The following ZNF141 variants were observed in gnomAD, a reference collection of about 807,000 sequenced individuals.
ZNF141 encodes zinc finger protein 141.
ZNF141 carries 7 observed loss-of-function variants against 11.3 expected under a neutral mutation model. The ratio of observed to expected loss-of-function variants is 0.62; its 90% CI spans 0.35 to 1.16. The LOEUF (loss-of-function observed/expected upper bound fraction) is 1.16. ZNF141 is among the 50% of genes most tolerant of loss of function. ZNF141 has a pLI of 0.02. For synonymous variants in ZNF141, 183 were observed against 190.7 expected (o/e 0.96, Z 0.33); for missense variants, 535 against 554.0 (o/e 0.97, Z 0.34).
Position 377,458 on chromosome 4 carries a change from A to G in ZNF141, c.*3596A>G, listed in dbSNP as rs1581633337. Among the ~76,000 whole-genome samples, 1 of 152,146 alleles carries G rather than the reference A, an allele frequency of 6.6e-6. No homozygotes were observed. The highest frequency in any genetic ancestry group is 6.5e-5 in the Admixed American group (1 of 15,278). ...AAGAGGATTTCTTTTCTTATTTTCTAATTATCTTCAGTTTTGTGATATCTT... is the reference window on the plus strand; with the variant it reads ...AAGAGGATTTCTTTTCTTATTTTCTGATTATCTTCAGTTTTGTGATATCTT... On this transcript the variant is annotated 3_prime_UTR_variant, in exon 4 of 4. Transcript: ENST00000240499.
At chr4:356,294 A>C (rs115799425) in intron 3 of ZNF141, among the ~76,000 whole-genome samples, 3,267 of 151,734 alleles carry the variant, frequency 0.022, 42 homozygotes, top group Non-Finnish European at 0.035. Flanking sequence ...TCATGACCTA[A>C]TAACTTCTTA....
chr4:361,447 G>A (rs529487557), intron 3 of ZNF141, among the ~76,000 whole-genome samples: 1 of 147,692 alleles, frequency 6.8e-6, no homozygotes, highest in Non-Finnish European at 1.5e-5. Flanking sequence ...TGTTACATAT[G>A]TATACATGTG....
At chr4:344,255 T>A in intron 2 of ZNF141, 80 bp from the exon 3 acceptor site, 1 of 1,230,748 alleles carries the variant, frequency 8.1e-7, no homozygotes, top group Non-Finnish European at 1.2e-6. Context: ...ATATCTCTAT[T>A]CTGCTTAGCG....
Position 373,522 on chromosome 4 carries a change from C to G in ZNF141, c.1085C>G (p.Thr362Ser), listed in dbSNP as rs1581628183. Residue 362 changes from threonine to serine, a missense_variant, in exon 4 of 4, where the codon ACT becomes AGT. Thr to Ser is a moderately conservative substitution (Grantham distance 58, BLOSUM62 1). Transcript: ENST00000240499. ...SKLNEHKKVH[T>S]GERPYKCDEC... is the part of the protein sequence containing the mutation. ...CTGAATGAACATAAGAAAGTTCATA[C>G]TGGAGAGCGGCCCTACAAATGTGAT... 7 of 1,613,774 alleles carry G rather than the reference C, an allele frequency of 4.3e-6. No individual in the cohort carries two copies. The East Asian group carries it at 1.6e-4, about 36-fold the overall frequency.
Position 338,274 on chromosome 4 carries a change from C to T in ZNF141, c.3+288C>T, listed in dbSNP as rs116780403. 2,760 of 400,330 alleles carry T rather than the reference C, an allele frequency of 6.9e-3. 58 individuals are homozygous for T. The highest frequency in any genetic ancestry group is 0.034 in the South Asian group (1,451 of 42,248). 24.8% of individuals were successfully genotyped at this position (400,330 alleles called of 1,614,324 possible). ...AGCCGCCCGCGCGGCGTGCGCGATG[C>T]CGGCGTGGGAGGAGCTGTGGGAGAA... On this transcript the variant is annotated intron_variant, in intron 1 of 3. Coordinates refer to ENST00000240499, the MANE Select transcript of ZNF141 (RefSeq NM_003441.4).
At chr4:360,051 A>G (rs1039608809) in intron 3 of ZNF141, among the ~76,000 whole-genome samples, 1 of 152,142 alleles carries the variant, frequency 6.6e-6, no homozygotes. Context: ...AATTAATTAC[A>G]TTTCATTCTG....
chr4:341,209 C>T (rs544594880), intron 1 of ZNF141, among the ~76,000 whole-genome samples: 4 of 152,026 alleles, frequency 2.6e-5, no homozygotes, highest in South Asian at 2.1e-4. Context: ...TACAGGCGCA[C>T]GCCACCATGC....
chr4:340,545 C>G (rs1173946385), intron 1 of ZNF141, among the ~76,000 whole-genome samples: 7 of 152,202 alleles, frequency 4.6e-5, no homozygotes, highest in Admixed American at 1.3e-4. Context: ...TGCCCAAATG[C>G]CCACAAATGT....
chr4:338,855 C>T (rs1022674213), intron 1 of ZNF141, among the ~76,000 whole-genome samples: 17 of 152,188 alleles, frequency 1.1e-4, no homozygotes, highest in Admixed American at 8.5e-4. Context: ...CCTCACGTTT[C>T]CTGTCAGAAG....
rs1220251024 is a variant in ZNF141, at chr4:382,493, A to G, written c.*8631A>G. 2 of 152,202 alleles carry G rather than the reference A, an allele frequency of 1.3e-5. No individual in the cohort carries two copies. Among genetic ancestry groups the G allele is most frequent in the African/African-American group, 2.4e-5 (1 of 41,448 alleles). The allele number at this position is 152,202 out of a possible 1,614,324, so 9.4% of individuals were successfully genotyped here. ...ATAGTCAACAAATGCAAAAAATGCA[A>G]AGAATTTGTAGGTATGATTAGTGCA... On this transcript the variant is annotated 3_prime_UTR_variant, in exon 4 of 4. Transcript: ENST00000240499.
intron 1 of ZNF141, among the ~76,000 whole-genome samples, chr4:339,558 A>ATC (rs1463414175): frequency 3.3e-4 from 50 of 152,376 alleles, no homozygotes; most frequent in African/African-American, 1.2e-3. Flanking sequence ...CCAAATACAA[A>ATC]TCAGAAGAGG....
intron 3 of ZNF141, among the ~76,000 whole-genome samples, chr4:360,251 TG>T (rs1722045437): frequency 6.6e-6 from 1 of 152,232 alleles, no homozygotes; most frequent in Admixed American, 6.5e-5. Context: ...CATCTTGCTA[TG>T]CCATATGTTC....
intron 3 of ZNF141, among the ~76,000 whole-genome samples, chr4:356,442 C>T (rs1354215051): frequency 1.3e-5 from 2 of 151,816 alleles, no homozygotes; most frequent in Non-Finnish European, 2.9e-5. Flanking sequence ...TCTCCTGCCT[C>T]AGCCTCCCCA....
rs1712729367 is a variant in ZNF141 at position 382,876 on chromosome 4, C to G, written c.*9014C>G. ...TGTGGGATAGTTACACAAGACACATCTACAAGAAAAGTCATGATAAAATTG... is the reference window on the plus strand; with the variant it reads ...TGTGGGATAGTTACACAAGACACATGTACAAGAAAAGTCATGATAAAATTG... On this transcript the variant is annotated 3_prime_UTR_variant, in exon 4 of 4. Transcript: ENST00000240499. 2 of 418,022 alleles carry G rather than the reference C, an allele frequency of 4.8e-6. No homozygotes were observed. Among genetic ancestry groups the G allele is most frequent in the African/African-American group, 4.1e-5 (2 of 48,954 alleles). The allele number at this position is 418,022 out of a possible 1,614,324, so 25.9% of individuals were successfully genotyped here. A position where few individuals can be genotyped will look rare whatever the true frequency, so the allele number is the denominator to read the frequency against.
intron 3 of ZNF141, among the ~76,000 whole-genome samples, chr4:367,519 CTTTTT>C (rs782804343): frequency 7.1e-6 from 1 of 141,004 alleles, no homozygotes; most frequent in African/African-American, 2.6e-5. Context: ...ACTTTACAAT[CTTTTT>C]TTTTTTTTTT....
rs1265316664 is a variant in ZNF141 at position 382,846 on chromosome 4, G to T, written c.*8984G>T. The T allele has an allele frequency of 1.9e-5, 6 of 307,840 alleles. No individual in the cohort carries two copies. Among genetic ancestry groups the T allele is most frequent in the African/African-American group, 1.1e-4 (5 of 45,666 alleles). The allele number at this position is 307,840 out of a possible 1,614,324, so 19.1% of individuals were successfully genotyped here. On this transcript the variant is annotated 3_prime_UTR_variant, in exon 4 of 4. Coordinates refer to ENST00000240499, the MANE Select transcript of ZNF141 (RefSeq NM_003441.4). ...ATCCTGAGTCCCAGCCAGCTGCTTA[G>T]TAGCTGTGGGATAGTTACACAAGAC...
chr4:370,897 A>AT (rs1224446973), intron 3 of ZNF141, among the ~76,000 whole-genome samples: 3 of 150,680 alleles, frequency 2.0e-5, no homozygotes, highest in African/African-American at 7.3e-5. Flanking sequence ...CGCCCAGCTA[A>AT]TTTTTTTTGT....
At chr4:349,184 A>T (rs1258332248) in intron 3 of ZNF141, among the ~76,000 whole-genome samples, 2 of 152,086 alleles carry the variant, frequency 1.3e-5, no homozygotes, top group African/African-American at 4.8e-5. Context: ...CTGTGATCCC[A>T]GCACTTTCAG....
Position 382,032 on chromosome 4 carries a change from A to G in ZNF141, c.*8170A>G, listed in dbSNP as rs1581638195. On this transcript the variant is annotated 3_prime_UTR_variant, in exon 4 of 4. Coordinates refer to ENST00000240499, the MANE Select transcript of ZNF141 (RefSeq NM_003441.4). ...TCGATCTCGGCTCACTGCAAGCTCC[A>G]CCTCCCAGGTTCACGCCATTCTCCT... Among the ~76,000 whole-genome samples the G allele has an allele frequency of 7.2e-6, 1 of 139,412 alleles. No individual in the cohort carries two copies. Among genetic ancestry groups the G allele is most frequent in the Admixed American group, 7.6e-5 (1 of 13,130 alleles). The allele number at this position is 139,412 out of a possible 152,430, so 91.5% of individuals were successfully genotyped here.
Sources: allele counts gnomAD v4.1 joint callset (sites outside exome capture counted in the v4.1 genomes callset), GRCh38; gene constraint gnomAD v4.1.1; transcripts MANE v1.5; gene names NCBI Gene and HGNC (gene_info 2026-07-23, HGNC 2026-07-21).